TIMP3: variants seen among roughly 807,000 people sequenced by gnomAD.
The protein encoded by TIMP3 is TIMP metallopeptidase inhibitor 3.
TIMP3 carries 11 observed loss-of-function variants against 30.0 expected under a neutral mutation model. The ratio of observed to expected loss-of-function variants is 0.37; its 90% CI spans 0.23 to 0.61. The LOEUF (loss-of-function observed/expected upper bound fraction) is 0.61, where lower values mean the gene tolerates loss of function less well. Ranked by LOEUF, TIMP3 falls within the 20% of genes least tolerant of loss-of-function variation. The pLI, the probability that TIMP3 is intolerant of heterozygous loss-of-function variation, is 0.70. For missense variants in TIMP3, 181 were observed against 276.8 expected (o/e 0.65, Z 2.45); for synonymous variants, 112 against 111.3 (o/e 1.01, Z -0.04).
At chr22:32,808,023 C>T (rs1437745782) in intron 1 of TIMP3, among the ~76,000 whole-genome samples, 2 of 151,922 alleles carry the variant, frequency 1.3e-5, no homozygotes, top group African/African-American at 4.8e-5. Flanking sequence ...ATTAGGGCCA[C>T]GAAGATCAAG....
intron 1 of TIMP3, among the ~76,000 whole-genome samples, chr22:32,831,620 C>A (rs376940220): frequency 3.9e-5 from 6 of 152,132 alleles, no homozygotes; most frequent in Admixed American, 1.3e-4. Context: ...CTTATCTTCT[C>A]GGCATTCTTT....
chr22:32,851,182 GA>G (rs371793310), intron 2 of TIMP3, among the ~76,000 whole-genome samples: 169 of 152,268 alleles, frequency 1.1e-3, no homozygotes, highest in Non-Finnish European at 1.9e-3. Context: ...GACAGCGCGG[GA>G]ATGCCAAAGC....
intron 2 of TIMP3, 117 bp downstream of exon 2, chr22:32,849,651 C>T (rs1259761074): frequency 4.6e-6 from 4 of 878,376 alleles, no homozygotes; most frequent in Non-Finnish European, 7.5e-6. Flanking sequence ...ACCAGCCAGA[C>T]CCAGCCCTTC....
At position 32,859,326 on chromosome 22, in the gene TIMP3, C is replaced by G; in HGVS notation, c.585C>G (p.Tyr195Ter). 1 of 1,613,848 alleles carries G rather than the reference C, an allele frequency of 6.2e-7. No individual in the cohort carries two copies. Among genetic ancestry groups the G allele is most frequent in the Non-Finnish European group, 8.5e-7 (1 of 1,180,042 alleles). Reference sequence around the variant, plus strand: ...AGAAGGGCGGCTACTGCAGCTGGTACCGAGGATGGGCCCCCCCGGATAAAA... The same window carrying G: ...AGAAGGGCGGCTACTGCAGCTGGTAGCGAGGATGGGCCCCCCCGGATAAAA... ...IRQKGGYCSW[Y>*]RGWAPPDKSI... The change falls in exon 5 of 5, where the codon TAC becomes TAG. Residue 195 changes from tyrosine (Y) to a stop codon, truncating the protein, a stop_gained. Transcript: ENST00000266085. LOFTEE classifies it high-confidence loss of function.
rs976967549 is a variant in TIMP3 at position 32,837,480 on chromosome 22, C to T, written c.122-11972C>T. Among the ~76,000 whole-genome samples, 1 of 151,988 alleles carries T rather than the reference C, an allele frequency of 6.6e-6. No individual in the cohort carries two copies. Among genetic ancestry groups the T allele is most frequent in the Non-Finnish European group, 1.5e-5 (1 of 67,990 alleles). ...CAGCACAGATGCCCAGCCAAAACAC[C>T]CAGGGCGAAACCACTCCAAGAGGTG... On this transcript the variant is annotated intron_variant, in intron 1 of 4. Coordinates refer to ENST00000266085, the MANE Select transcript of TIMP3 (RefSeq NM_000362.5). The surrounding 1 kb of genome is among the most constrained non-coding windows in gnomAD (Gnocchi z 4.1).
At chr22:32,844,874 C>A (rs1427957241) in intron 1 of TIMP3, among the ~76,000 whole-genome samples, 1 of 152,008 alleles carries the variant, frequency 6.6e-6, no homozygotes, top group Non-Finnish European at 1.5e-5. Flanking sequence ...CCATGCCTGG[C>A]TAATTGTTTT....
In TIMP3 at chr22:32,833,807, G is replaced by A. The variant is rs180730028; in HGVS notation, c.122-15645G>A. 186 of 500,482 alleles carry A rather than the reference G, an allele frequency of 3.7e-4. No individual in the cohort carries two copies. In the East Asian group the frequency reaches 4.6e-3, roughly 12 times the overall value. 31.0% of individuals were successfully genotyped at this position (500,482 alleles called of 1,614,324 possible). A position where few individuals can be genotyped will look rare whatever the true frequency, so the allele number is the denominator to read the frequency against. ...AACACTTACTTTATAGGGCCCTAGT[G>A]AGGCTCAAATGGGAAAATCCACGGA... is the stretch of plus-strand genomic sequence containing the variant. On this transcript the variant is annotated intron_variant, in intron 1 of 4. Coordinates refer to ENST00000266085, the MANE Select transcript of TIMP3 (RefSeq NM_000362.5).
intron 1 of TIMP3, among the ~76,000 whole-genome samples, chr22:32,846,775 C>T (rs1303425550): frequency 1.3e-5 from 2 of 152,108 alleles, no homozygotes; most frequent in Non-Finnish European, 2.9e-5. Context: ...GCTAAGAAAG[C>T]CAGAGAGATT....
intron 1 of TIMP3, among the ~76,000 whole-genome samples, chr22:32,842,283 G>T (rs965264685): frequency 2.0e-5 from 3 of 152,122 alleles, no homozygotes; most frequent in African/African-American, 7.2e-5. Context: ...GTTTTTTTGG[G>T]AGTTGGGATT....
At position 32,859,728 on chromosome 22, in the gene TIMP3, C is replaced by T. The variant is rs2048483330; in HGVS notation, c.*351C>T. 4 of 288,740 alleles carry T rather than the reference C, an allele frequency of 1.4e-5. 1 individual carries two copies. The highest frequency in any genetic ancestry group is 1.3e-4 in the South Asian group (3 of 23,866). The allele number at this position is 288,740 out of a possible 1,614,324, so 17.9% of individuals were successfully genotyped here. On this transcript the variant is annotated 3_prime_UTR_variant, in exon 5 of 5. Coordinates refer to ENST00000266085, the MANE Select transcript of TIMP3 (RefSeq NM_000362.5). ...CTACTCCATTTGAGGATTGTAATTC[C>T]CACCCCTCTTGCTTCTTCCCCACCT...
chr22:32,817,348 A>C (rs1394983813), intron 1 of TIMP3, among the ~76,000 whole-genome samples: 1 of 152,206 alleles, frequency 6.6e-6, no homozygotes, highest in African/African-American at 2.4e-5. Context: ...TGTTTAATCC[A>C]GTGTTCTCTG....
chr22:32,818,943 C>T (rs1440445321), intron 1 of TIMP3, among the ~76,000 whole-genome samples: 1 of 152,182 alleles, frequency 6.6e-6, no homozygotes, highest in Non-Finnish European at 1.5e-5. Context: ...GCAGCTACTC[C>T]TCGCCCCCTC....
chr22:32,854,301 T>C (rs2048302868), intron 2 of TIMP3, among the ~76,000 whole-genome samples: 1 of 152,184 alleles, frequency 6.6e-6, no homozygotes, highest in Admixed American at 6.5e-5. Context: ...GGAGCTAAAA[T>C]GCAGGTTCCT....
In TIMP3 at chr22:32,823,473, C is replaced by T. The variant is rs115789005; in HGVS notation, c.121+21351C>T. ...TCTCAGAAACCAGGATGCAGTGGGC[C>T]GTCTGTGTCCCAGCCCCAAAGCAGC... On this transcript the variant is annotated intron_variant, in intron 1 of 4. Coordinates refer to ENST00000266085, the MANE Select transcript of TIMP3 (RefSeq NM_000362.5). 3.0e-3 allele frequency among the ~76,000 whole-genome samples: 461 copies of T among 152,194 alleles called. 2 individuals carry two copies. Among genetic ancestry groups the T allele is most frequent in the African/African-American group, 0.01 (433 of 41,530 alleles).
rs940867656 is a variant in TIMP3 at position 32,860,516 on chromosome 22, G to A, written c.*1139G>A. The A allele has an allele frequency of 2.0e-5, 3 of 152,588 alleles. No individual in the cohort carries two copies. Among genetic ancestry groups the A allele is most frequent in the East Asian group, 3.9e-4 (2 of 5,190 alleles). 9.5% of individuals were successfully genotyped at this position (152,588 alleles called of 1,614,324 possible). A position where few individuals can be genotyped will look rare whatever the true frequency, so the allele number is the denominator to read the frequency against. Reference sequence around the variant, plus strand: ...TCGTTGCTTGTTTGAAGAAAATCATGACATTCCAAGTTGACATTTTTTTTT... The same window carrying A: ...TCGTTGCTTGTTTGAAGAAAATCATAACATTCCAAGTTGACATTTTTTTTT... On this transcript the variant is annotated 3_prime_UTR_variant, in exon 5 of 5. Transcript: ENST00000266085.
At chr22:32,851,834 G>A (rs745488455) in intron 2 of TIMP3, among the ~76,000 whole-genome samples, 15 of 152,056 alleles carry the variant, frequency 9.9e-5, no homozygotes, top group Non-Finnish European at 1.9e-4. Flanking sequence ...CATAGAACTG[G>A]TCAGTGCCCT....
chr22:32,821,410 T>C (rs2047242954), intron 1 of TIMP3, among the ~76,000 whole-genome samples: 1 of 152,200 alleles, frequency 6.6e-6, no homozygotes, highest in Admixed American at 6.5e-5. Flanking sequence ...ATCAGTGCTG[T>C]GCTATTAAAA....
intron 1 of TIMP3, among the ~76,000 whole-genome samples, chr22:32,810,511 C>G (rs1442106609): frequency 7.0e-6 from 1 of 142,618 alleles, no homozygotes; most frequent in African/African-American, 2.7e-5. Flanking sequence ...AAACAGAGCC[C>G]TAGATGATTG....
intron 1 of TIMP3, among the ~76,000 whole-genome samples, chr22:32,808,564 G>A (rs1280982550): frequency 6.6e-6 from 1 of 152,196 alleles, no homozygotes; most frequent in Non-Finnish European, 1.5e-5. Context: ...ACAAGGGCCA[G>A]TGTGGACCCT....
Sources: gnomAD v4.1 joint callset for allele counts (sites outside exome capture counted in the v4.1 genomes callset) on GRCh38, gnomAD v4.1.1 for gene constraint, Gnocchi (gnomAD v3.1) non-coding constraint, MANE v1.5 for transcripts, NCBI Gene and HGNC (gene_info 2026-07-23, HGNC 2026-07-21) for gene names.